XKR9: variants seen among roughly 807,000 people sequenced by gnomAD.
The protein encoded by XKR9 is XK-related protein 9.
XKR9 carries 32 observed loss-of-function variants against 32.0 expected under a neutral mutation model. The observed-to-expected ratio is 1.00, with a 90% CI of 0.76 to 1.34. The LOEUF (loss-of-function observed/expected upper bound fraction) is 1.34. XKR9 is among the 40% of genes most tolerant of loss of function. The pLI, the probability that XKR9 is intolerant of heterozygous loss-of-function variation, is 0.00. For synonymous variants in XKR9, 168 were observed against 143.4 expected (o/e 1.17, Z -1.22); for missense variants, 546 against 429.7 (o/e 1.27, Z -2.39).
At chr8:70,980,074 G>A in the XKR9 span, among the ~76,000 whole-genome samples, 2 of 152,218 alleles carry the variant, frequency 1.3e-5, no homozygotes, top group Non-Finnish European at 2.9e-5. Context: ...AGCCAATCGT[G>A]GGATATAATC....
chr8:70,899,551 C>T, the XKR9 span, among the ~76,000 whole-genome samples: 1 of 151,956 alleles, frequency 6.6e-6, no homozygotes, highest in African/African-American at 2.4e-5. Flanking sequence ...AAAACTCACC[C>T]CTATTGCAGA....
At chr8:70,842,666 C>G in the XKR9 span, among the ~76,000 whole-genome samples, 1 of 152,134 alleles carries the variant, frequency 6.6e-6, no homozygotes, top group African/African-American at 2.4e-5. Context: ...CTCTCATTAT[C>G]ATTAATTTGC....
the XKR9 span, among the ~76,000 whole-genome samples, chr8:70,947,843 A>G: frequency 3.3e-5 from 5 of 152,230 alleles, no homozygotes; most frequent in African/African-American, 9.6e-5. Flanking sequence ...AAGGTATTTG[A>G]TTCTCTTCTT....
chr8:70,743,067 C>G (rs1807010805), intron 2 of XKR9, among the ~76,000 whole-genome samples: 1 of 152,032 alleles, frequency 6.6e-6, no homozygotes, highest in African/African-American at 2.4e-5. Flanking sequence ...TTGATATTCT[C>G]CCACCTATTC....
chr8:70,801,144 G>T, the XKR9 span, among the ~76,000 whole-genome samples: 2 of 152,016 alleles, frequency 1.3e-5, no homozygotes, highest in Non-Finnish European at 1.5e-5. Context: ...TGGATTCATT[G>T]ATATTTCATA....
downstream of XKR9, among the ~76,000 whole-genome samples, chr8:70,738,032 T>G (rs900632026): frequency 2.6e-5 from 3 of 116,054 alleles, no homozygotes; most frequent in African/African-American, 8.4e-5. Flanking sequence ...TGGAATAGTT[T>G]CAGAAGGAAT....
the XKR9 span, among the ~76,000 whole-genome samples, chr8:70,802,077 C>A: frequency 6.6e-6 from 1 of 151,900 alleles, no homozygotes; most frequent in Middle Eastern, 3.2e-3. Context: ...GCTGGGACTA[C>A]AGGCGCCCAC....
chr8:70,972,329 T>C, the XKR9 span, among the ~76,000 whole-genome samples: 1 of 152,194 alleles, frequency 6.6e-6, no homozygotes. Flanking sequence ...CCTGAAACTT[T>C]GCTGAATTTA....
chr8:70,835,908 T>C, the XKR9 span, among the ~76,000 whole-genome samples: 11,036 of 152,148 alleles, frequency 0.073, 472 homozygotes, highest in Non-Finnish European at 0.089. Flanking sequence ...TTATTTTGTT[T>C]CATTATTTAC....
the XKR9 span, among the ~76,000 whole-genome samples, chr8:71,052,622 T>C: frequency 6.6e-6 from 1 of 152,122 alleles, no homozygotes; most frequent in Non-Finnish European, 1.5e-5. Flanking sequence ...ATGCAGACAG[T>C]CTTTATAGGA....
the XKR9 span, among the ~76,000 whole-genome samples, chr8:70,826,859 T>C: frequency 6.7e-6 from 1 of 148,972 alleles, no homozygotes; most frequent in East Asian, 1.9e-4. Flanking sequence ...ATTCATATTC[T>C]ATTTTAAGTG....
chr8:70,893,517 T>C, the XKR9 span, among the ~76,000 whole-genome samples: 2 of 152,172 alleles, frequency 1.3e-5, no homozygotes, highest in African/African-American at 2.4e-5. Context: ...TCACCTGTAG[T>C]TAATTTTAGT....
the XKR9 span, among the ~76,000 whole-genome samples, chr8:70,856,722 A>G: frequency 6.6e-6 from 1 of 152,216 alleles, no homozygotes; most frequent in East Asian, 1.9e-4. Context: ...CATAGTTGGA[A>G]GTAAAGTACT....
intron 3 of XKR9, among the ~76,000 whole-genome samples, chr8:70,703,136 A>G (rs77822277): frequency 0.014 from 2,028 of 149,980 alleles, 33 homozygotes; most frequent in Non-Finnish European, 0.022. Context: ...ATCAAATGTA[A>G]CAAATGTTTT....
chr8:70,750,612 C>G (rs1807125966), intron 2 of XKR9, among the ~76,000 whole-genome samples: 1 of 152,068 alleles, frequency 6.6e-6, no homozygotes, highest in South Asian at 2.1e-4. Flanking sequence ...TCTGCTCTTC[C>G]TTTTAGAAAA....
intron 4 of XKR9, among the ~76,000 whole-genome samples, chr8:70,728,962 G>T (rs1213013795): frequency 6.6e-6 from 1 of 152,104 alleles, no homozygotes; most frequent in Non-Finnish European, 1.5e-5. Flanking sequence ...GGATAACTCA[G>T]GGCTCCTAGG....
At chr8:70,753,998 T>C (rs948234597) in intron 2 of XKR9, among the ~76,000 whole-genome samples, 2 of 145,982 alleles carry the variant, frequency 1.4e-5, no homozygotes, top group Admixed American at 7.6e-5. Flanking sequence ...GATGACATGA[T>C]TGTATATCTA....
At chr8:70,748,666 T>A (rs1278468441) in intron 2 of XKR9, among the ~76,000 whole-genome samples, 1 of 152,032 alleles carries the variant, frequency 6.6e-6, no homozygotes, top group Non-Finnish European at 1.5e-5. Flanking sequence ...AGGTTCCTGG[T>A]GGAAAAGGGC....
chr8:70,674,197 T>C (rs1006478670), intron 1 of XKR9, among the ~76,000 whole-genome samples: 10 of 151,940 alleles, frequency 6.6e-5, no homozygotes, highest in African/African-American at 2.4e-4. Flanking sequence ...GGGTAAATAC[T>C]AGAAGAGAAG....
Sources: gnomAD v4.1 joint callset for allele counts (sites outside exome capture counted in the v4.1 genomes callset) on GRCh38, gnomAD v4.1.1 for gene constraint, MANE v1.5 for transcripts, NCBI Gene and HGNC (gene_info 2026-07-23, HGNC 2026-07-21) for gene names.